PHACTR4: variants seen among roughly 807,000 people sequenced by gnomAD.
PHACTR4 encodes protein phosphatase 1, regulatory subunit 124.
In PHACTR4, 51 loss-of-function variants were observed where a neutral mutation model predicts 72.7. The ratio of observed to expected loss-of-function variants is 0.70; its 90% CI spans 0.56 to 0.89. The LOEUF (loss-of-function observed/expected upper bound fraction) is 0.89, where lower values mean the gene tolerates loss of function less well. Among genes scored for constraint, PHACTR4 ranks in the 40% least tolerant of loss-of-function variants. The pLI is 0.00. For synonymous variants in PHACTR4, 255 were observed against 302.5 expected (o/e 0.84, Z 1.63); for missense variants, 731 against 861.8 (o/e 0.85, Z 1.90).
chr1:28,378,577 C>G (rs1440377866), intron 1 of PHACTR4, among the ~76,000 whole-genome samples: 4 of 127,500 alleles, frequency 3.1e-5, no homozygotes, highest in Non-Finnish European at 5.1e-5. Context: ...CAGCCCCCCC[C>G]CCCTTTTTTT....
chr1:28,394,132 A>T (rs1231078590), intron 1 of PHACTR4, among the ~76,000 whole-genome samples: 2 of 152,068 alleles, frequency 1.3e-5, no homozygotes, highest in Non-Finnish European at 2.9e-5. Context: ...ACCCCTGAAG[A>T]CCTTTCAAGA....
chr1:28,428,210 A>G (rs1029138432), intron 2 of PHACTR4, among the ~76,000 whole-genome samples: 1 of 152,140 alleles, frequency 6.6e-6, no homozygotes, highest in African/African-American at 2.4e-5. Context: ...TCATCCCACA[A>G]CATATGAACC....
Position 28,474,111 on chromosome 1 carries a change from C to G in PHACTR4, c.1381C>G (p.Arg461Gly). The G allele has an allele frequency of 6.2e-7, 1 of 1,613,910 alleles. No homozygotes were observed. Among genetic ancestry groups the G allele is most frequent in the Non-Finnish European group, 8.5e-7 (1 of 1,179,918 alleles). The change falls in exon 7 of 14, where the codon CGG becomes GGG. Residue 461 changes from arginine to glycine, a missense_variant. This residue lies in a region of PHACTR4 where 621 missense variants were observed against 676.6 expected (regional missense o/e 0.92). Transcript: ENST00000373839. ...TTCTGAGGACAGCAGTACGCTGGGTCGGACCAGGTCTCTTCCCATCACTAT... is the reference window on the plus strand; with the variant it reads ...TTCTGAGGACAGCAGTACGCTGGGTGGGACCAGGTCTCTTCCCATCACTAT... Reference protein sequence around the residue: ...SFSEDSSTLGRTRSLPITIEM... With the variant: ...SFSEDSSTLGGTRSLPITIEM...
rs1421565916 is a variant in PHACTR4, at chr1:28,466,873, C to A, written c.823+105C>A. 2.1e-6 allele frequency: 3 copies of A among 1,453,584 alleles called. No individual in the cohort carries two copies. In the African/African-American group the frequency reaches 4.3e-5, roughly 21 times the overall value. The allele number at this position is 1,453,584 out of a possible 1,614,324, so 90.0% of individuals were successfully genotyped here. A position where few individuals can be genotyped will look rare whatever the true frequency, so the allele number is the denominator to read the frequency against. ...ATTGATTTGGTCTGTGAGAATTTTC[C>A]ATATCTTGTCCCTTTGAATGACCTC... On this transcript the variant is annotated intron_variant, in intron 6 of 13. Coordinates refer to ENST00000373839, the MANE Select transcript of PHACTR4 (RefSeq NM_001048183.3).
At chr1:28,450,789 G>GTTGT (rs747781451) in intron 2 of PHACTR4, among the ~76,000 whole-genome samples, 6 of 149,196 alleles carry the variant, frequency 4.0e-5, no homozygotes, top group Non-Finnish European at 7.4e-5. Flanking sequence ...CCAGCCAATT[G>GTTGT]TTGTGTGTGT....
intron 9 of PHACTR4, among the ~76,000 whole-genome samples, chr1:28,483,883 A>G (rs942953517): frequency 6.6e-6 from 1 of 152,012 alleles, no homozygotes; most frequent in Non-Finnish European, 1.5e-5. Flanking sequence ...CTTCTTCTGT[A>G]AAGAACCAAA....
At chr1:28,438,842 A>G (rs1656805012) in intron 2 of PHACTR4, among the ~76,000 whole-genome samples, 1 of 152,210 alleles carries the variant, frequency 6.6e-6, no homozygotes, top group Non-Finnish European at 1.5e-5. Context: ...AGACAGAACC[A>G]CTTTTAAGAA....
intron 2 of PHACTR4, among the ~76,000 whole-genome samples, chr1:28,420,985 T>A (rs549381682): frequency 3.0e-4 from 46 of 152,346 alleles, no homozygotes; most frequent in African/African-American, 1.1e-3. Context: ...GGGTTTATGA[T>A]GCCAGTTTGG....
In PHACTR4 at chr1:28,473,941, G is replaced by A. The variant is rs751861978; in HGVS notation, c.1211G>A (p.Gly404Glu). 8.6e-5 allele frequency: 138 copies of A among 1,613,964 alleles called. 1 individual carries two copies. In the South Asian group the frequency reaches 1.4e-3, roughly 17 times the overall value. Reference protein sequence around the residue: ...VPKRILDQNFGEPHIPSRLPP... With the variant: ...VPKRILDQNFEEPHIPSRLPP... ...AAGAGGATACTGGACCAGAACTTTG[G>A]GGAGCCCCATATACCCTCTAGGCTG... is the stretch of plus-strand genomic sequence containing the variant. Residue 404 changes from glycine (G) to glutamate (E), a missense_variant, in exon 7 of 14, where the codon GGG (glycine) becomes GAG (glutamate). Gly to Glu is a moderately conservative substitution (Grantham distance 98, BLOSUM62 -2). This residue lies in a region of PHACTR4 where 621 missense variants were observed against 676.6 expected (regional missense o/e 0.92). Transcript: ENST00000373839.
rs200387522 is a variant in PHACTR4 at position 28,483,499 on chromosome 1, C to CA, written c.1760+2903dup. 9.4e-3 allele frequency among the ~76,000 whole-genome samples: 1,423 copies of CA among 150,998 alleles called. 19 individuals carry two copies. The highest frequency in any genetic ancestry group is 0.031 in the African/African-American group (1,288 of 41,188). ...TATTATATGGTAGTTTGAAAAATTA[C>CA]AAAAAAAAGAGATAAATCATGGCCG... On this transcript the variant is annotated intron_variant, in intron 9 of 13. Coordinates refer to ENST00000373839, the MANE Select transcript of PHACTR4 (RefSeq NM_001048183.3).
At chr1:28,474,343 G>C (rs1223641678) in intron 7 of PHACTR4, among the ~76,000 whole-genome samples, 192 bp downstream of exon 7, 2 of 151,946 alleles carry the variant, frequency 1.3e-5, no homozygotes, top group Non-Finnish European at 2.9e-5. Context: ...GGCCAATACA[G>C]TAAAACCCTG....
intron 10 of PHACTR4, among the ~76,000 whole-genome samples, chr1:28,490,729 G>A (rs1289445427): frequency 1.3e-5 from 2 of 151,686 alleles, no homozygotes; most frequent in Non-Finnish European, 2.9e-5. Context: ...TGTAATCCCA[G>A]CTACTCGGGA....
At position 28,407,775 on chromosome 1, in the gene PHACTR4, T is replaced by A. The variant is rs1654463847; in HGVS notation, c.16+312T>A. ...TTATATATTACACAAATAACATTTTTAATTAAAAAAATCAAGAACCATTTG... is the reference window on the plus strand; with the variant it reads ...TTATATATTACACAAATAACATTTTAAATTAAAAAAATCAAGAACCATTTG... On this transcript the variant is annotated intron_variant, in intron 2 of 13. Coordinates refer to ENST00000373839, the MANE Select transcript of PHACTR4 (RefSeq NM_001048183.3). 2.0e-5 allele frequency among the ~76,000 whole-genome samples: 3 copies of A among 152,198 alleles called. No individual in the cohort carries two copies. In the South Asian group the frequency reaches 6.2e-4, roughly 31 times the overall value.
Position 28,496,728 on chromosome 1 carries a change from C to A in PHACTR4, c.*179C>A. 1.4e-6 allele frequency: 1 copy of A among 699,250 alleles called. No homozygotes were observed. Among genetic ancestry groups the A allele is most frequent in the South Asian group, 1.7e-5 (1 of 58,122 alleles). 43.3% of individuals were successfully genotyped at this position (699,250 alleles called of 1,614,324 possible). On this transcript the variant is annotated 3_prime_UTR_variant, in exon 14 of 14. Transcript: ENST00000373839. ...TGGAACAGAGTCTTATGTGCTGCAC[C>A]GGGGGCAAAACAACACTTTGTCAGT... is the stretch of plus-strand genomic sequence containing the variant.
chr1:28,379,026 C>A (rs1023622876), intron 1 of PHACTR4, among the ~76,000 whole-genome samples: 1 of 152,110 alleles, frequency 6.6e-6, no homozygotes, highest in Non-Finnish European at 1.5e-5. Flanking sequence ...AGTCATGGCT[C>A]ACTGCAGCCT....
At chr1:28,407,726 T>A (rs1223682914) in intron 2 of PHACTR4, among the ~76,000 whole-genome samples, 1 of 152,222 alleles carries the variant, frequency 6.6e-6, no homozygotes, top group African/African-American at 2.4e-5. Context: ...ATTAATTTGT[T>A]TAAAAACAAC....
At chr1:28,424,942 G>A (rs1286845985) in intron 2 of PHACTR4, among the ~76,000 whole-genome samples, 1 of 151,664 alleles carries the variant, frequency 6.6e-6, no homozygotes, top group East Asian at 1.9e-4. Context: ...TTACAGGCAT[G>A]CACCACCACC....
At chr1:28,377,831 CAA>C (rs113558661) in intron 1 of PHACTR4, among the ~76,000 whole-genome samples, 14 of 107,466 alleles carry the variant, frequency 1.3e-4, no homozygotes, top group Non-Finnish European at 7.8e-5. Context: ...AAGACCATCT[CAA>C]AAAAAAAAAA....
At chr1:28,455,321 C>T (rs61785963) in intron 2 of PHACTR4, among the ~76,000 whole-genome samples, 4 of 151,252 alleles carry the variant, frequency 2.6e-5, no homozygotes, top group Non-Finnish European at 2.9e-5. Context: ...CTCAGCCTCC[C>T]GAGTAGCTGG....
Sources: gnomAD v4.1 joint callset for allele counts (sites outside exome capture counted in the v4.1 genomes callset) on GRCh38, gnomAD v4.1.1 for gene constraint, gnomAD v4.1.1 regional missense constraint, MANE v1.5 for transcripts, NCBI Gene and HGNC (gene_info 2026-07-23, HGNC 2026-07-21) for gene names.